The following METTL15 variants were observed in gnomAD, a reference collection of about 807,000 sequenced individuals.
METTL15 encodes the protein 12S rRNA N(4)-cytidine methyltransferase METTL15.
In METTL15, 34 loss-of-function variants were observed where a neutral mutation model predicts 38.3. That is an observed-to-expected ratio of 0.89 (90% CI 0.68 to 1.18). METTL15 has a LOEUF of 1.18. Among genes scored for constraint, METTL15 ranks in the 50% most tolerant of loss-of-function variants. The pLI is 0.00. For missense variants in METTL15, 438 were observed against 498.4 expected, an observed-to-expected ratio of 0.88 and a Z score of 1.15; for synonymous variants, 162 against 170.9, an observed-to-expected ratio of 0.95 and a Z score of 0.41.
chr11:28,188,868 G>T (rs1449966653), intron 3 of METTL15, among the ~76,000 whole-genome samples: 1 of 151,142 alleles, frequency 6.6e-6, no homozygotes, highest in African/African-American at 2.4e-5. Context: ...ACATAATAAT[G>T]TTTATTTCCT....
chr11:28,406,496 A>T (rs1850675096), intron 5 of METTL15, among the ~76,000 whole-genome samples: 1 of 152,048 alleles, frequency 6.6e-6, no homozygotes, highest in East Asian at 1.9e-4. Context: ...ACATTTTCTT[A>T]ATCCAGTATA....
intron 6 of METTL15, among the ~76,000 whole-genome samples, chr11:28,446,550 A>G (rs1056454893): frequency 3.3e-5 from 5 of 152,134 alleles, no homozygotes; most frequent in Admixed American, 6.5e-5. Flanking sequence ...TAAAGAAAAA[A>G]AACCTTACAC....
chr11:28,429,254 G>A (rs1297291521), intron 6 of METTL15, among the ~76,000 whole-genome samples: 1 of 152,174 alleles, frequency 6.6e-6, no homozygotes, highest in African/African-American at 2.4e-5. Context: ...GATAATGTAT[G>A]TCCTTAGATG....
chr11:28,479,255 A>G (rs1288140936), intron 6 of METTL15, among the ~76,000 whole-genome samples: 1 of 152,172 alleles, frequency 6.6e-6, no homozygotes, highest in Non-Finnish European at 1.5e-5. Context: ...TGTTAACAGA[A>G]TGAATAAGAA....
At chr11:28,375,797 G>C (rs1226666621) in intron 5 of METTL15, among the ~76,000 whole-genome samples, 1 of 151,396 alleles carries the variant, frequency 6.6e-6, no homozygotes, top group Admixed American at 6.6e-5. Flanking sequence ...TTCTCTTGTG[G>C]GTATTTAGTG....
At chr11:28,113,729 G>C in intron 3 of METTL15, 125 bp downstream of exon 3, 1 of 978,482 alleles carries the variant, frequency 1.0e-6, no homozygotes, top group South Asian at 1.9e-5. Flanking sequence ...AACTTTTGAT[G>C]GTTGATGCGA....
At chr11:28,487,267 C>A (rs1461334133) in intron 6 of METTL15, among the ~76,000 whole-genome samples, 4 of 151,892 alleles carry the variant, frequency 2.6e-5, no homozygotes, top group Non-Finnish European at 5.9e-5. Flanking sequence ...TTCATCTCAG[C>A]CTTTATAATT....
At chr11:28,120,659 G>A (rs1198184158) in intron 3 of METTL15, among the ~76,000 whole-genome samples, 1 of 151,914 alleles carries the variant, frequency 6.6e-6, no homozygotes, top group East Asian at 1.9e-4. Context: ...CTTGAATTTT[G>A]TATCAATCAC....
chr11:28,521,521 G>A (rs147973470), intron 6 of METTL15, among the ~76,000 whole-genome samples: 22 of 152,278 alleles, frequency 1.4e-4, no homozygotes, highest in African/African-American at 4.8e-4. Flanking sequence ...TCCTTCTGGG[G>A]CAGTGCCAGA....
intron 3 of METTL15, chr11:28,123,997 A>G: frequency 1.5e-6 from 1 of 684,446 alleles, no homozygotes; most frequent in East Asian, 3.3e-5. Flanking sequence ...TTTATGAAGC[A>G]CTTTTATATA....
chr11:28,389,459 T>C (rs1246786692), intron 5 of METTL15, among the ~76,000 whole-genome samples: 2 of 143,150 alleles, frequency 1.4e-5, no homozygotes, highest in African/African-American at 5.2e-5. Context: ...TCAATTCTCA[T>C]CTATGAGTGA....
chr11:28,218,034 G>A (rs367949313), intron 4 of METTL15, among the ~76,000 whole-genome samples: 66 of 152,158 alleles, frequency 4.3e-4, no homozygotes, highest in African/African-American at 1.5e-3. Flanking sequence ...GTGACTTGGC[G>A]ATGTGGGCTC....
At chr11:28,242,689 A>T (rs1854351118) in intron 4 of METTL15, among the ~76,000 whole-genome samples, 1 of 152,138 alleles carries the variant, frequency 6.6e-6, no homozygotes, top group African/African-American at 2.4e-5. Context: ...TGATAACAAC[A>T]GTTTGAAGCA....
At chr11:28,395,740 A>ATT (rs1405145569) in intron 5 of METTL15, among the ~76,000 whole-genome samples, 1 of 152,162 alleles carries the variant, frequency 6.6e-6, no homozygotes, top group African/African-American at 2.4e-5. Context: ...TCCGTAACTC[A>ATT]TTTTATGAGG....
Position 28,158,173 on chromosome 11 carries a change from C to A in METTL15, c.270+44569C>A, listed in dbSNP as rs192156695. On this transcript the variant is annotated intron_variant, in intron 3 of 6. Coordinates refer to ENST00000407364, the MANE Select transcript of METTL15 (RefSeq NM_001113528.2). The stretch of plus-strand genomic sequence containing the variant: ...TTGGGGAACAGGTATGTGGATGGAC[C>A]TCTTTAAGTGGTCAAAAACTGTGAA... Among the ~76,000 whole-genome samples the A allele has an allele frequency of 7.6e-4, 115 of 152,244 alleles. 1 individual carries two copies. Among genetic ancestry groups the A allele is most frequent in the Admixed American group, 1.7e-3 (26 of 15,306 alleles).
chr11:28,396,290 G>A (rs1259797363), intron 5 of METTL15, among the ~76,000 whole-genome samples: 2 of 152,132 alleles, frequency 1.3e-5, no homozygotes, highest in East Asian at 3.9e-4. Flanking sequence ...ATTAGGAAAA[G>A]AGGAAGTCAA....
At chr11:28,199,135 A>T (rs1343157587) in intron 3 of METTL15, among the ~76,000 whole-genome samples, 1 of 152,158 alleles carries the variant, frequency 6.6e-6, no homozygotes, top group East Asian at 1.9e-4. Context: ...CCAAAGGCTG[A>T]ACCCCATGAA....
chr11:28,370,036 AT>A (rs532605325), intron 5 of METTL15, among the ~76,000 whole-genome samples: 82 of 152,278 alleles, frequency 5.4e-4, no homozygotes, highest in Non-Finnish European at 9.7e-4. Flanking sequence ...AAACTGGGAT[AT>A]TCATCACCTT....
At chr11:28,333,640 TTTTA>T (rs1849872150), downstream of METTL15, 1 of 152,002 alleles carries the variant, frequency 6.6e-6, no homozygotes, top group Non-Finnish European at 1.5e-5. Context: ...ATATCCCTAT[TTTTA>T]TTTTATTTTT....
Sources: gnomAD v4.1 joint callset for allele counts (sites outside exome capture counted in the v4.1 genomes callset) on GRCh38, gnomAD v4.1.1 for gene constraint, MANE v1.5 for transcripts, NCBI Gene and HGNC (gene_info 2026-07-23, HGNC 2026-07-21) for gene names.